SMG6: variants seen among roughly 807,000 people sequenced by gnomAD.
The protein encoded by SMG6 is SMG6 nonsense mediated mRNA decay factor.
SMG6 carries 66 observed loss-of-function variants against 142.2 expected under a neutral mutation model. The observed-to-expected ratio is 0.46, with a 90% CI of 0.38 to 0.57. The LOEUF is 0.57. Among genes scored for constraint, SMG6 ranks in the 20% least tolerant of loss-of-function variants. The pLI, the probability that SMG6 is intolerant of heterozygous loss-of-function variation, is 0.00. For missense variants in SMG6, 1,793 were observed against 1,832.0 expected (o/e 0.98, Z 0.39); for synonymous variants, 779 against 702.4 (o/e 1.11, Z -1.72).
intron 10 of SMG6, chr17:2,232,719 C>A (rs1004771463): frequency 1.3e-5 from 2 of 152,090 alleles, no homozygotes; most frequent in Non-Finnish European, 2.9e-5. Flanking sequence ...CCACCAACAC[C>A]CGTGAACCCG....
chr17:2,132,343 G>A (rs759715131), intron 13 of SMG6, among the ~76,000 whole-genome samples: 6 of 152,284 alleles, frequency 3.9e-5, no homozygotes, highest in East Asian at 1.9e-4. Flanking sequence ...TTGAATGAAC[G>A]CGAGAAGTCA....
At chr17:2,281,338 A>G (rs1424201620) in intron 8 of SMG6, among the ~76,000 whole-genome samples, 1 of 152,112 alleles carries the variant, frequency 6.6e-6, no homozygotes, top group Non-Finnish European at 1.5e-5. Context: ...TTTGTTGACC[A>G]GGCTGGTACT....
chr17:2,283,766 A>G (rs755541823), intron 6 of SMG6, 31 bp from the exon 7 acceptor site: 3 of 1,570,278 alleles, frequency 1.9e-6, no homozygotes, highest in South Asian at 1.1e-5. Context: ...CATTCAGTCA[A>G]CCAATTCTCG....
chr17:2,281,868 T>C (rs1022332446), intron 8 of SMG6, among the ~76,000 whole-genome samples: 4 of 152,182 alleles, frequency 2.6e-5, no homozygotes, highest in Non-Finnish European at 5.9e-5. Context: ...CCTTTGCATA[T>C]GCTATTTCCT....
chr17:2,232,934 A>AT (rs2073540941), intron 10 of SMG6: 1 of 152,224 alleles, frequency 6.6e-6, no homozygotes, highest in Non-Finnish European at 1.5e-5. Context: ...TTTTCCTTTC[A>AT]TTTTGCCTTC....
intron 10 of SMG6, among the ~76,000 whole-genome samples, chr17:2,207,766 A>G (rs966372275): frequency 6.6e-6 from 1 of 152,234 alleles, no homozygotes; most frequent in Non-Finnish European, 1.5e-5. Flanking sequence ...AGCTACATTT[A>G]TATTTTAACA....
intron 12 of SMG6, among the ~76,000 whole-genome samples, chr17:2,181,386 G>A (rs982976315): frequency 6.6e-6 from 1 of 152,208 alleles, no homozygotes; most frequent in South Asian, 2.1e-4. Context: ...TCAGGCCCCA[G>A]GATAGCAAAG....
intron 8 of SMG6, among the ~76,000 whole-genome samples, chr17:2,264,417 C>G (rs1266218482): frequency 6.6e-6 from 1 of 152,138 alleles, no homozygotes; most frequent in Non-Finnish European, 1.5e-5. Flanking sequence ...GAACAAGTCC[C>G]TCAAGTACAC....
At chr17:2,278,937 G>A (rs530817755) in intron 8 of SMG6, among the ~76,000 whole-genome samples, 6 of 152,058 alleles carry the variant, frequency 3.9e-5, no homozygotes, top group South Asian at 2.1e-4. Flanking sequence ...CCTCATTCGC[G>A]TATCAACTAA....
intron 10 of SMG6, among the ~76,000 whole-genome samples, chr17:2,220,031 C>T (rs2073129576): frequency 6.6e-6 from 1 of 152,084 alleles, no homozygotes; most frequent in African/African-American, 2.4e-5. Context: ...AAGCCATTCT[C>T]CCGTATAATT....
intron 8 of SMG6, among the ~76,000 whole-genome samples, chr17:2,261,658 G>C (rs951485523): frequency 6.6e-6 from 1 of 152,138 alleles, no homozygotes; most frequent in South Asian, 2.1e-4. Flanking sequence ...GGACAAAGCT[G>C]TGCAGATGTG....
At chr17:2,114,183 T>C (rs1342081904) in intron 13 of SMG6, among the ~76,000 whole-genome samples, 1 of 152,050 alleles carries the variant, frequency 6.6e-6, no homozygotes, top group Non-Finnish European at 1.5e-5. Flanking sequence ...GGCAGGAGGA[T>C]AGCTTGAACC....
In SMG6 at chr17:2,077,891, G is replaced by A. The variant is rs113954659; in HGVS notation, c.3681+3919C>T. ...AGAAAAGTTAAATAATCTGCCCAAT[G>A]TCATATAACTAGTAAGGGTTCATGA... On this transcript the variant is annotated intron_variant, in intron 15 of 18. Coordinates refer to ENST00000263073, the MANE Select transcript of SMG6 (RefSeq NM_017575.5). Among the ~76,000 whole-genome samples, 530 of 152,252 alleles carry A rather than the reference G, an allele frequency of 3.5e-3. 3 individuals are homozygous for A. Among genetic ancestry groups the A allele is most frequent in the African/African-American group, 0.012 (505 of 41,532 alleles).
At chr17:2,254,967 C>T (rs1597719449) in intron 8 of SMG6, among the ~76,000 whole-genome samples, 1 of 152,074 alleles carries the variant, frequency 6.6e-6, no homozygotes, top group Admixed American at 6.6e-5. Flanking sequence ...GAGGGAGTCA[C>T]GTCCTGGTGT....
At chr17:2,080,340 C>T (rs1346711303) in intron 15 of SMG6, among the ~76,000 whole-genome samples, 1 of 152,096 alleles carries the variant, frequency 6.6e-6, no homozygotes, top group Non-Finnish European at 1.5e-5. Flanking sequence ...ATCGCTGGAA[C>T]CCGGGAGGTG....
intron 15 of SMG6, among the ~76,000 whole-genome samples, chr17:2,070,014 A>T (rs548418219): frequency 6.6e-6 from 1 of 152,172 alleles, no homozygotes; most frequent in African/African-American, 2.4e-5. Flanking sequence ...CTGCCAAACA[A>T]AAAGTAGACA....
rs372741908 is a variant in SMG6, at chr17:2,264,582, G to C, written c.2661+18065C>G. The stretch of plus-strand genomic sequence containing the variant: ...CAAATCAATCTCAATTCTTAAAATA[G>C]GTGTCAAGCAACAAACGCAACATTA... On this transcript the variant is annotated intron_variant, in intron 8 of 18. Coordinates refer to ENST00000263073, the MANE Select transcript of SMG6 (RefSeq NM_017575.5). Among the ~76,000 whole-genome samples the C allele has an allele frequency of 9.2e-5, 14 of 152,228 alleles. No individual in the cohort carries two copies. The East Asian group carries it at 9.6e-4, about 10-fold the overall frequency.
chr17:2,114,959 T>A (rs368232177), intron 13 of SMG6, among the ~76,000 whole-genome samples: 8 of 73,244 alleles, frequency 1.1e-4, no homozygotes, highest in Admixed American at 6.7e-4. Flanking sequence ...AATAAAAAAA[T>A]GAAATGAAAT....
intron 8 of SMG6, among the ~76,000 whole-genome samples, chr17:2,247,734 G>C (rs564621459): frequency 6.6e-6 from 1 of 152,064 alleles, no homozygotes; most frequent in Non-Finnish European, 1.5e-5. Flanking sequence ...AGTGAGCCAT[G>C]ATTGCTCCAT....
Sources: allele counts gnomAD v4.1 joint callset (sites outside exome capture counted in the v4.1 genomes callset), GRCh38; gene constraint gnomAD v4.1.1; transcripts MANE v1.5; gene names NCBI Gene and HGNC (gene_info 2026-07-23, HGNC 2026-07-21).